CFAP54: variants seen among roughly 807,000 people sequenced by gnomAD.
CFAP54 encodes cilia- and flagella-associated protein 54.
A neutral mutation model predicts 370.4 loss-of-function variants in CFAP54; 290 were observed. That is an observed-to-expected ratio of 0.78 (90% confidence interval 0.71 to 0.86). The LOEUF is 0.86. Ranked by LOEUF, CFAP54 falls within the 40% of genes least tolerant of loss-of-function variation. The pLI, the probability that CFAP54 is intolerant of heterozygous loss-of-function variation, is 0.00. For missense variants in CFAP54, 3,399 were observed against 3,528.7 expected, an observed-to-expected ratio of 0.96 and a Z score of 0.93; for synonymous variants, 1,206 against 1,236.5, an observed-to-expected ratio of 0.98 and a Z score of 0.52.
rs2136387655 is a variant in CFAP54, at chr12:96,540,631, A to G, written c.1927-206A>G. Among the ~76,000 whole-genome samples, 2 of 152,362 alleles carry G rather than the reference A, an allele frequency of 1.3e-5. 1 individual carries two copies. The highest frequency in any genetic ancestry group is 4.1e-4 in the South Asian group (2 of 4,834). On this transcript the variant is annotated intron_variant, in intron 13 of 67. Transcript: ENST00000524981. ...ATCTACTTTATGAATTTATATAAAC[A>G]GATTGATTACTAAATATCATTTTAA...
In CFAP54 at chr12:96,654,832, A is replaced by ATTTTTTTTTTTTTTTTTTT. The variant is rs10631171; in HGVS notation, c.5100+3033_5101-3033insTTTTTTTTTTTTTTTTTTT. ...TTTTGTGTCTGGCTCATTTCACTTA[A>ATTTTTTTTTTTTTTTTTTT]TTTTTTTTTTTTTTTTAAGAAATGA... On this transcript the variant is annotated intron_variant, in intron 36 of 67. Coordinates refer to ENST00000524981, the MANE Select transcript of CFAP54 (RefSeq NM_001306084.2). 7.7e-3 allele frequency among the ~76,000 whole-genome samples: 1,014 copies of ATTTTTTTTTTTTTTTTTTT among 131,666 alleles called. 29 individuals carry two copies. The highest frequency in any genetic ancestry group is 0.016 in the South Asian group (57 of 3,530). The allele number at this position is 131,666 out of a possible 152,430, so 86.4% of individuals were successfully genotyped here. A position where few individuals can be genotyped will look rare whatever the true frequency, so the allele number is the denominator to read the frequency against.
intron 26 of CFAP54, among the ~76,000 whole-genome samples, chr12:96,617,141 AC>A (rs1956428018): frequency 6.6e-6 from 1 of 152,172 alleles, no homozygotes; most frequent in African/African-American, 2.4e-5. Context: ...TACTCATTGA[AC>A]CCTGCATGAG....
intron 63 of CFAP54, among the ~76,000 whole-genome samples, chr12:96,808,548 G>A (rs994772883): frequency 1.3e-5 from 2 of 152,144 alleles, no homozygotes; most frequent in African/African-American, 4.8e-5. Flanking sequence ...AGTCACATAG[G>A]ACACAGTTCA....
chr12:96,540,729 A>G (rs574546111), intron 13 of CFAP54, 108 bp from the exon 14 acceptor site: 16 of 603,660 alleles, frequency 2.7e-5, no homozygotes, highest in Non-Finnish European at 4.0e-5. Context: ...ACATTTCCAT[A>G]TGATTAGAAG....
intron 32 of CFAP54, among the ~76,000 whole-genome samples, chr12:96,640,970 A>C (rs897099057): frequency 6.6e-6 from 1 of 152,052 alleles, no homozygotes; most frequent in Admixed American, 6.6e-5. Flanking sequence ...AACCATAAAA[A>C]CCCTAGAAGA....
In CFAP54 at chr12:96,502,004, T is replaced by C. The variant is rs151067163; in HGVS notation, c.423+1065T>C. 7.6e-3 allele frequency among the ~76,000 whole-genome samples: 1,163 copies of C among 152,278 alleles called. 19 individuals are homozygous for C. Among genetic ancestry groups the C allele is most frequent in the African/African-American group, 0.026 (1,085 of 41,552 alleles). On this transcript the variant is annotated intron_variant, in intron 2 of 67. Transcript: ENST00000524981. ...ACAAGAATTACAAGATAGCCCCCTT[T>C]CCATCCTTACACTTTTCAGTATAAG... is the stretch of plus-strand genomic sequence containing the variant.
chr12:96,540,500 A>G (rs1339724352), intron 13 of CFAP54, among the ~76,000 whole-genome samples: 1 of 152,194 alleles, frequency 6.6e-6, no homozygotes, highest in East Asian at 1.9e-4. Context: ...CTTCAAAGGG[A>G]CAGTGAGAAC....
At chr12:96,672,416 T>G (rs1347935613) in intron 39 of CFAP54, among the ~76,000 whole-genome samples, 1 of 152,152 alleles carries the variant, frequency 6.6e-6, no homozygotes, top group Non-Finnish European at 1.5e-5. Flanking sequence ...AGCAAGGGGC[T>G]GCGAGTATAG....
chr12:96,544,230 C>CA (rs71068814), intron 14 of CFAP54, among the ~76,000 whole-genome samples: 141,157 of 152,146 alleles, frequency 0.93, 65,531 homozygotes, highest in East Asian at 1. Flanking sequence ...TCATGACTCC[C>CA]TAGTTCTTAT....
intron 65 of CFAP54, among the ~76,000 whole-genome samples, chr12:96,826,842 AATATTATATAAT>A (rs1368808480): frequency 6.0e-5 from 7 of 116,448 alleles, no homozygotes; most frequent in African/African-American, 1.0e-4. Context: ...TATATCATAT[AATATTATATAAT>A]ATATTATATA....
At chr12:96,814,021 T>C (rs1485559170) in intron 64 of CFAP54, among the ~76,000 whole-genome samples, 1 of 152,192 alleles carries the variant, frequency 6.6e-6, no homozygotes, top group African/African-American at 2.4e-5. Context: ...GCTCTTTGCA[T>C]GAGGACTCAG....
chr12:96,793,540 A>G (rs1396433299), intron 63 of CFAP54, among the ~76,000 whole-genome samples: 1 of 152,018 alleles, frequency 6.6e-6, no homozygotes, highest in Non-Finnish European at 1.5e-5. Flanking sequence ...TTTTCTTTGT[A>G]TAATGACTTT....
chr12:96,552,428 C>T (rs532417495), intron 15 of CFAP54, among the ~76,000 whole-genome samples: 36 of 152,076 alleles, frequency 2.4e-4, no homozygotes, highest in Middle Eastern at 3.4e-3. Context: ...ACTGCAGCCT[C>T]TGCCTCCCGG....
chr12:96,518,401 G>T (rs1565881980), intron 5 of CFAP54, among the ~76,000 whole-genome samples: 3 of 152,156 alleles, frequency 2.0e-5, no homozygotes, highest in Non-Finnish European at 4.4e-5. Context: ...AATAAGACAA[G>T]ACAGGCCGGG....
In CFAP54 at chr12:96,507,089, T is replaced by G. The variant is rs769810258; in HGVS notation, c.729T>G (p.Ile243Met). Reference protein sequence around the residue: ...VALPQEHLCWIIFNGTIYIYT... With the variant: ...VALPQEHLCWMIFNGTIYIYT... ...TGCCACAAGAGCATCTTTGCTGGAT[T>G]ATCTTCAATGGTATATGCTGATGTA... The change falls in exon 4 of 68, where the codon ATT becomes ATG. Residue 243 changes from isoleucine to methionine, a missense_variant. By Grantham distance (10) the Ile-to-Met change is conservative. Coordinates refer to ENST00000524981, the MANE Select transcript of CFAP54 (RefSeq NM_001306084.2). The G allele has an allele frequency of 1.1e-5, 17 of 1,530,356 alleles. No individual in the cohort carries two copies. The highest frequency in any genetic ancestry group is 1.5e-5 in the Non-Finnish European group (17 of 1,145,358). 94.8% of individuals were successfully genotyped at this position (1,530,356 alleles called of 1,614,324 possible). A position where few individuals can be genotyped will look rare whatever the true frequency, so the allele number is the denominator to read the frequency against.
rs910362281 is a variant in CFAP54 at position 96,592,500 on chromosome 12, G to T, written c.3223G>T (p.Asp1075Tyr). The change falls in exon 24 of 68, where the codon GAT becomes TAT. Residue 1075 changes from aspartate to tyrosine, a missense_variant. Physicochemically the swap from Asp to Tyr is radical, Grantham distance 160. Transcript: ENST00000524981. Reference sequence around the variant, plus strand: ...TACTTCATATTGCAGATTACATTCAGATATTTTGGCAGAGACTTCTTCAAT... The same window carrying T: ...TACTTCATATTGCAGATTACATTCATATATTTTGGCAGAGACTTCTTCAAT... ...ITITQRRLHS[D>Y]ILAETSSILL... 5 of 634,898 alleles carry T rather than the reference G, an allele frequency of 7.9e-6. No individual in the cohort carries two copies. In the African/African-American group the frequency reaches 9.5e-5, roughly 12 times the overall value. 39.3% of individuals were successfully genotyped at this position (634,898 alleles called of 1,614,324 possible).
At chr12:96,522,288 T>A in intron 8 of CFAP54, 99 bp downstream of exon 8, 2 of 811,708 alleles carry the variant, frequency 2.5e-6, no homozygotes, top group East Asian at 5.4e-5. Context: ...TATTAAATTC[T>A]GCCCCCAGTT....
At position 96,503,408 on chromosome 12, in the gene CFAP54, T is replaced by TCTCC. The variant is rs376584953; in HGVS notation, c.424-459_424-456dup. The stretch of plus-strand genomic sequence containing the variant: ...CTTCCTTTCCCTTCCTCCCTTCCTC[T>TCTCC]CTCCCTCCCTCCCTCCCTCCCTTCC... On this transcript the variant is annotated intron_variant, in intron 2 of 67. Transcript: ENST00000524981. Among the ~76,000 whole-genome samples, 10 of 125,294 alleles carry TCTCC rather than the reference T, an allele frequency of 8.0e-5. No individual in the cohort carries two copies. The South Asian group carries it at 1.2e-3, about 15-fold the overall frequency. 82.2% of individuals were successfully genotyped at this position (125,294 alleles called of 152,430 possible).
intron 66 of CFAP54, among the ~76,000 whole-genome samples, chr12:96,839,754 G>A (rs1358249962): frequency 6.6e-6 from 1 of 152,206 alleles, no homozygotes; most frequent in African/African-American, 2.4e-5. Flanking sequence ...CTGGGGGCTG[G>A]AATTGCTGAA....
Sources: gnomAD v4.1 joint callset for allele counts (sites outside exome capture counted in the v4.1 genomes callset) on GRCh38, gnomAD v4.1.1 for gene constraint, MANE v1.5 for transcripts, NCBI Gene and HGNC (gene_info 2026-07-23, HGNC 2026-07-21) for gene names.